CD163L1: variants seen among roughly 807,000 people sequenced by gnomAD.
The protein encoded by CD163L1 is CD163 molecule like 1, also known as scavenger receptor cysteine-rich type 1 protein M160.
CD163L1 carries 124 observed loss-of-function variants against 165.4 expected under a neutral mutation model. That is an observed-to-expected ratio of 0.75 (90% CI 0.65 to 0.87). The LOEUF (loss-of-function observed/expected upper bound fraction) is 0.87, where lower values mean the gene tolerates loss of function less well. CD163L1 is among the 40% of genes least tolerant of loss of function. The pLI is 0.00. For synonymous variants in CD163L1, 585 were observed against 662.2 expected, an observed-to-expected ratio of 0.88 and a Z score of 1.79; for missense variants, 1,525 against 1,799.9, an observed-to-expected ratio of 0.85 and a Z score of 2.76.
In CD163L1 at chr12:7,432,587, G is replaced by A; in HGVS notation, c.595C>T (p.Pro199Ser). 1 of 1,614,080 alleles carries A rather than the reference G, an allele frequency of 6.2e-7. No individual in the cohort carries two copies. The highest frequency in any genetic ancestry group is 8.5e-7 in the Non-Finnish European group (1 of 1,180,016). Residue 199 changes from proline (P) to serine (S), a missense_variant, in exon 4 of 20, where the codon CCA becomes TCA. Transcript: ENST00000313599. This position sits in a 1 kb window ranked among gnomAD's most constrained non-coding sequence, Gnocchi z 4.2. The stretch of plus-strand genomic sequence containing the variant: ...ACTCCAGAAGAAATAAAAGAAGATG[G>A]ACATCCTAGTTGCCTGCACACCACG... Reference protein sequence around the residue: ...AAVVCRQLGCPSSFISSGVVN... With the variant: ...AAVVCRQLGCSSSFISSGVVN...
chr12:7,398,321 T>G lies in CD163L1; in HGVS notation c.1672A>C (p.Ser558Arg). 6.2e-7 allele frequency: 1 copy of G among 1,614,178 alleles called. No homozygotes were observed. The stretch of plus-strand genomic sequence containing the variant: ...ACACAATTATGCTTTCCCCATCCAC[T>G]GTGTTCACAGTCCCAGATATTTGAC... The part of the protein sequence containing the change: ...NESNIWDCEH[S>R]GWGKHNCVHR... The change falls in exon 7 of 20, where the codon AGT becomes CGT. Residue 558 changes from serine (S) to arginine (R), a missense_variant. Coordinates refer to ENST00000313599, the MANE Select transcript of CD163L1 (RefSeq NM_174941.6). The surrounding 1 kb of genome is among the most constrained non-coding windows in gnomAD (Gnocchi z 4.5).
chr12:7,377,216 C>T (rs928585921), intron 9 of CD163L1, among the ~76,000 whole-genome samples: 5 of 152,188 alleles, frequency 3.3e-5, no homozygotes, highest in Non-Finnish European at 7.3e-5. Context: ...ATAACTGACT[C>T]TCCCATGACC....
intron 4 of CD163L1, among the ~76,000 whole-genome samples, chr12:7,424,590 A>G (rs1385596870): frequency 6.6e-6 from 1 of 152,198 alleles, no homozygotes; most frequent in Non-Finnish European, 1.5e-5. Context: ...AGAAAACCCC[A>G]TCGTATCAGT....
At chr12:7,421,036 C>CGT (rs1491331878) in intron 4 of CD163L1, among the ~76,000 whole-genome samples, 1 of 61,674 alleles carries the variant, frequency 1.6e-5, no homozygotes, top group African/African-American at 1.6e-4. Flanking sequence ...TATATATATA[C>CGT]GTGTATATAT....
In CD163L1 at chr12:7,421,550, C is replaced by T. The variant is rs767775235; in HGVS notation, c.766+10866G>A. Among the ~76,000 whole-genome samples the T allele has an allele frequency of 1.6e-5, 2 of 126,580 alleles. 1 individual carries two copies. The highest frequency in any genetic ancestry group is 4.4e-4 in the East Asian group (2 of 4,512). The allele number at this position is 126,580 out of a possible 152,430, so 83.0% of individuals were successfully genotyped here. On this transcript the variant is annotated intron_variant, in intron 4 of 19. Transcript: ENST00000313599. ...ATATATACATATACGTACACATATA[C>T]ATATACATATATGTACATATATACA...
chr12:7,439,187 T>C (rs1948780415), intron 2 of CD163L1: 1 of 1,577,552 alleles, frequency 6.3e-7, no homozygotes, highest in South Asian at 1.2e-5. Flanking sequence ...GGGGGAATCA[T>C]TAAGTACACT....
In CD163L1 at chr12:7,379,218, C is replaced by A. The variant is rs200380158; in HGVS notation, c.2131G>T (p.Val711Leu). 3.1e-6 allele frequency: 5 copies of A among 1,614,210 alleles called. No homozygotes were observed. The South Asian group carries it at 5.5e-5, about 18-fold the overall frequency. Residue 711 changes from valine (V) to leucine (L), a missense_variant, in exon 9 of 20, where the codon GTG becomes TTG. Val to Leu is a conservative substitution (Grantham distance 32). Transcript: ENST00000313599. ...CAGCCATTAGCACACAGAATTCCCACGGCACCCTGGACATTCACCTCAACT... is the reference window on the plus strand; with the variant it reads ...CAGCCATTAGCACACAGAATTCCCAAGGCACCCTGGACATTCACCTCAACT... ...GKVEVNVQGA[V>L]GILCANGWGM...
At chr12:7,373,072 C>T (rs1947176872) in intron 14 of CD163L1, among the ~76,000 whole-genome samples, 1 of 152,074 alleles carries the variant, frequency 6.6e-6, no homozygotes, top group African/African-American at 2.4e-5. Context: ...CTTTTATGTG[C>T]TTTCATCCAG....
At chr12:7,399,725 C>T (rs766004487) in intron 6 of CD163L1, among the ~76,000 whole-genome samples, 1 of 152,098 alleles carries the variant, frequency 6.6e-6, no homozygotes, top group East Asian at 1.9e-4. Context: ...CCACCTCAGC[C>T]TCCCGAGTAG....
At chr12:7,341,881 T>C (rs990392768), downstream of CD163L1, among the ~76,000 whole-genome samples, 3 of 152,142 alleles carry the variant, frequency 2.0e-5, no homozygotes, top group African/African-American at 7.2e-5. Context: ...TCGATGTTTA[T>C]ATTGAAAAAA....
intron 8 of CD163L1, among the ~76,000 whole-genome samples, chr12:7,392,990 G>A (rs1182411608): frequency 6.6e-6 from 1 of 151,940 alleles, no homozygotes; most frequent in Admixed American, 6.6e-5. Context: ...TTCTACCAGA[G>A]GTAAAAAGAG....
At chr12:7,437,117 T>C (rs1388638994) in intron 2 of CD163L1, among the ~76,000 whole-genome samples, 1 of 142,888 alleles carries the variant, frequency 7.0e-6, no homozygotes, top group Admixed American at 7.2e-5. Flanking sequence ...TTAACAAATA[T>C]ATATTTTTAT....
At chr12:7,319,047 G>T in the CD163L1 span, among the ~76,000 whole-genome samples, 1 of 152,144 alleles carries the variant, frequency 6.6e-6, no homozygotes, top group Non-Finnish European at 1.5e-5. Flanking sequence ...AAATTATAAT[G>T]TATAACGAAA....
chr12:7,398,170 TC>T lies in CD163L1; in HGVS notation c.1729+93del. ...CAAGAGTCATGGCCCCTCAATCAAT[TC>T]CCACATGTAAGCCAGTTTATAGACC... On this transcript the variant is annotated intron_variant, in intron 7 of 19. Transcript: ENST00000313599. This position sits in a 1 kb window ranked among gnomAD's most constrained non-coding sequence, Gnocchi z 4.5. 1 of 1,106,596 alleles carries T rather than the reference TC, an allele frequency of 9.0e-7. No individual in the cohort carries two copies. Among genetic ancestry groups the T allele is most frequent in the African/African-American group, 1.6e-5 (1 of 63,542 alleles). 68.5% of individuals were successfully genotyped at this position (1,106,596 alleles called of 1,614,324 possible).
chr12:7,371,956 T>C (rs1947155007), intron 14 of CD163L1, among the ~76,000 whole-genome samples: 1 of 152,036 alleles, frequency 6.6e-6, no homozygotes, highest in Non-Finnish European at 1.5e-5. Flanking sequence ...GATCATGGTA[T>C]TATAGGTGAT....
In CD163L1 at chr12:7,443,138, T is replaced by C. The variant is rs552222858; in HGVS notation, c.31+959A>G. Among the ~76,000 whole-genome samples the C allele has an allele frequency of 4.7e-4, 71 of 152,344 alleles. 1 individual carries two copies. The South Asian group carries it at 6.0e-3, about 13-fold the overall frequency. ...CTTGCTAGATAGAAGGCAGCCAAGC[T>C]TCTCAAACTGTAGAAACCCTTTTTC... On this transcript the variant is annotated intron_variant, in intron 1 of 19. Coordinates refer to ENST00000313599, the MANE Select transcript of CD163L1 (RefSeq NM_174941.6).
rs765201315 is a variant in CD163L1, at chr12:7,432,340, T to C, written c.766+76A>G. 4.8e-5 allele frequency: 54 copies of C among 1,115,482 alleles called. No homozygotes were observed. The highest frequency in any genetic ancestry group is 2.4e-5 in the East Asian group (1 of 42,166). 69.1% of individuals were successfully genotyped at this position (1,115,482 alleles called of 1,614,324 possible). A position where few individuals can be genotyped will look rare whatever the true frequency, so the allele number is the denominator to read the frequency against. The stretch of plus-strand genomic sequence containing the variant: ...GAGAAAATTCTTCTCCAGAGAATGA[T>C]TGACCTTTTTCTTTCCATACATACT... On this transcript the variant is annotated intron_variant, in intron 4 of 19. Transcript: ENST00000313599. This position sits in a 1 kb window ranked among gnomAD's most constrained non-coding sequence, Gnocchi z 4.2.
At chr12:7,442,470 A>C (rs1948843895) in intron 1 of CD163L1, among the ~76,000 whole-genome samples, 1 of 152,176 alleles carries the variant, frequency 6.6e-6, no homozygotes. Context: ...ATCCCAAGTG[A>C]GTTTGGCAAC....
intron 7 of CD163L1, among the ~76,000 whole-genome samples, chr12:7,396,789 T>C (rs764165241): frequency 6.6e-6 from 1 of 151,998 alleles, no homozygotes; most frequent in South Asian, 2.1e-4. Context: ...CTTATAAAAT[T>C]GATGAACCAA....
Sources: gnomAD v4.1 joint callset for allele counts (sites outside exome capture counted in the v4.1 genomes callset) on GRCh38, gnomAD v4.1.1 for gene constraint, Gnocchi (gnomAD v3.1) non-coding constraint, MANE v1.5 for transcripts, NCBI Gene and HGNC (gene_info 2026-07-23, HGNC 2026-07-21) for gene names.